NFIX: variants seen among roughly 807,000 people sequenced by gnomAD.
NFIX encodes nuclear factor I X.
Under a neutral mutation model 53.3 loss-of-function variants are expected in NFIX, and 2 were observed. The observed-to-expected ratio is 0.04, with a 90% CI of 0.02 to 0.12. The LOEUF is 0.12. Among genes scored for constraint, NFIX ranks in the 10% least tolerant of loss-of-function variants. NFIX has a pLI of 1.00. For missense variants in NFIX, 310 were observed against 674.5 expected, an observed-to-expected ratio of 0.46 and a Z score of 5.99; for synonymous variants, 244 against 289.0, an observed-to-expected ratio of 0.84 and a Z score of 1.58.
intron 2 of NFIX, among the ~76,000 whole-genome samples, chr19:13,059,352 C>T (rs2015913477): frequency 6.6e-6 from 1 of 152,222 alleles, no homozygotes; most frequent in Admixed American, 6.5e-5. Flanking sequence ...AGGCCAGAGC[C>T]CCCCAGCACA....
At position 13,036,721 on chromosome 19, in the gene NFIX, G is replaced by A. The variant is rs1030787120; in HGVS notation, c.559+11169G>A. 6.6e-6 allele frequency among the ~76,000 whole-genome samples: 1 copy of A among 152,144 alleles called. No homozygotes were observed. Among genetic ancestry groups the A allele is most frequent in the Non-Finnish European group, 1.5e-5 (1 of 68,020 alleles). ...AACAGGTGGCCCAGAATACAGACAG[G>A]GGGTGTAATAAGTGTATATCCTCTG... On this transcript the variant is annotated intron_variant, in intron 2 of 10. Coordinates refer to ENST00000592199, the MANE Select transcript of NFIX (RefSeq NM_001365902.3). The surrounding 1 kb of genome is among the most constrained non-coding windows in gnomAD (Gnocchi z 4.7).
intron 1 of NFIX, among the ~76,000 whole-genome samples, chr19:12,999,480 C>G (rs561573286): frequency 3.2e-4 from 35 of 108,406 alleles, no homozygotes; most frequent in Admixed American, 1.0e-3. Flanking sequence ...CCACAAATAC[C>G]TTTTCAAACA....
intron 2 of NFIX, among the ~76,000 whole-genome samples, chr19:13,039,888 G>GCCATGTAA (rs1440069054): frequency 6.6e-6 from 1 of 152,124 alleles, no homozygotes; most frequent in Non-Finnish European, 1.5e-5. Flanking sequence ...GCCCATCCTT[G>GCCATGTAA]AGATGATGTA....
At position 13,035,891 on chromosome 19, in the gene NFIX, C is replaced by T. The variant is rs114797620; in HGVS notation, c.559+10339C>T. Among the ~76,000 whole-genome samples the T allele has an allele frequency of 2.8e-3, 423 of 152,324 alleles. 6 individuals are homozygous for T. The highest frequency in any genetic ancestry group is 9.5e-3 in the African/African-American group (396 of 41,568). ...ACCCGCTGCCTTTTGTACCCTTGCC[C>T]GCATCATCCCAAGTGCAGAGCCAAT... On this transcript the variant is annotated intron_variant, in intron 2 of 10. Transcript: ENST00000592199.
rs2145307798 is a variant in NFIX at position 13,049,224 on chromosome 19, G to C, written c.559+23672G>C. The stretch of plus-strand genomic sequence containing the variant: ...GCGATGATCACACTACTGCACTCCA[G>C]CCTGGGCAGGCAACAGAGTAAGACT... On this transcript the variant is annotated intron_variant, in intron 2 of 10. Coordinates refer to ENST00000592199, the MANE Select transcript of NFIX (RefSeq NM_001365902.3). This position sits in a 1 kb window ranked among gnomAD's most constrained non-coding sequence, Gnocchi z 4.5. 6.6e-6 allele frequency among the ~76,000 whole-genome samples: 1 copy of C among 152,196 alleles called. No homozygotes were observed. Among genetic ancestry groups the C allele is most frequent in the African/African-American group, 2.4e-5 (1 of 41,526 alleles).
chr19:13,019,723 G>GTTTTTTTTTTTTTTT (rs1414490273), intron 1 of NFIX, among the ~76,000 whole-genome samples: 1 of 115,824 alleles, frequency 8.6e-6, no homozygotes, highest in African/African-American at 3.4e-5. Context: ...TTTTTTTTTT[G>GTTTTTTTTTTTTTTT]TTTGTTTGTT....
In NFIX at chr19:13,027,360, C is replaced by T. The variant is rs765582238; in HGVS notation, c.559+1808C>T. Among the ~76,000 whole-genome samples, 12 of 152,132 alleles carry T rather than the reference C, an allele frequency of 7.9e-5. No homozygotes were observed. Among genetic ancestry groups the T allele is most frequent in the Non-Finnish European group, 1.6e-4 (11 of 68,024 alleles). On this transcript the variant is annotated intron_variant, in intron 2 of 10. Transcript: ENST00000592199. This position sits in a 1 kb window ranked among gnomAD's most constrained non-coding sequence, Gnocchi z 4.3. Reference sequence around the variant, plus strand: ...CTGAGAGGGAAAAAAAAGTTATCCCCTCATTCTCTGTCTATACAGCAAGCC... The same window carrying T: ...CTGAGAGGGAAAAAAAAGTTATCCCTTCATTCTCTGTCTATACAGCAAGCC...
intron 1 of NFIX, among the ~76,000 whole-genome samples, chr19:13,000,041 C>T (rs114111437): frequency 0.033 from 4,986 of 152,304 alleles, 90 homozygotes; most frequent in Middle Eastern, 0.088. Flanking sequence ...GAACAGGGTG[C>T]TCCAGTCTCT....
At chr19:13,024,447 C>G in intron 1 of NFIX, 1 of 1,451,616 alleles carries the variant, frequency 6.9e-7, no homozygotes. Context: ...GAGAGGGAAG[C>G]CTGATCTGTT....
In NFIX at chr19:13,090,569, C is replaced by T. The variant is rs2018072238; in HGVS notation, c.1494+179C>T. On this transcript the variant is annotated intron_variant, in intron 10 of 10. Coordinates refer to ENST00000592199, the MANE Select transcript of NFIX (RefSeq NM_001365902.3). This position sits in a 1 kb window ranked among gnomAD's most constrained non-coding sequence, Gnocchi z 6.6. Reference sequence around the variant, plus strand: ...CAGCTGAGCCTGTCTCCCCAGGCAGCCCCCAGGCTCCCTGGCTAATCAGCT... The same window carrying T: ...CAGCTGAGCCTGTCTCCCCAGGCAGTCCCCAGGCTCCCTGGCTAATCAGCT... Among the ~76,000 whole-genome samples, 1 of 152,168 alleles carries T rather than the reference C, an allele frequency of 6.6e-6. No homozygotes were observed. The highest frequency in any genetic ancestry group is 2.4e-5 in the African/African-American group (1 of 41,436).
chr19:13,064,761 C>T (rs1002129342), intron 2 of NFIX, among the ~76,000 whole-genome samples: 2 of 152,214 alleles, frequency 1.3e-5, no homozygotes, highest in South Asian at 2.1e-4. Flanking sequence ...CAGCTTCCCC[C>T]ACCAGGGTGG....
intron 8 of NFIX, among the ~76,000 whole-genome samples, chr19:13,085,285 A>C (rs139137894): frequency 4.9e-4 from 74 of 152,272 alleles, no homozygotes; most frequent in Non-Finnish European, 9.3e-4. Flanking sequence ...ATGTCTGGCC[A>C]TATCAGGCGG....
rs1402398208 is a variant in NFIX at position 13,040,699 on chromosome 19, G to A, written c.559+15147G>A. On this transcript the variant is annotated intron_variant, in intron 2 of 10. Transcript: ENST00000592199. This position sits in a 1 kb window ranked among gnomAD's most constrained non-coding sequence, Gnocchi z 4.2. ...CATGTGCTTGCGGCTCTGGTAGCTG[G>A]GTTTGGTTATTAACAATGAATTATT... Among the ~76,000 whole-genome samples the A allele has an allele frequency of 2.6e-5, 4 of 152,142 alleles. No individual in the cohort carries two copies. The highest frequency in any genetic ancestry group is 9.7e-5 in the African/African-American group (4 of 41,420).
At chr19:13,033,485 C>T (rs1317272334) in intron 2 of NFIX, among the ~76,000 whole-genome samples, 1 of 152,192 alleles carries the variant, frequency 6.6e-6, no homozygotes, top group Non-Finnish European at 1.5e-5. Flanking sequence ...TGATGCCTTA[C>T]TGATGACATG....
intron 2 of NFIX, among the ~76,000 whole-genome samples, chr19:13,046,422 C>A (rs1343827300): frequency 6.6e-6 from 1 of 152,160 alleles, no homozygotes; most frequent in Non-Finnish European, 1.5e-5. Context: ...GTTGTGAATT[C>A]TGCGTTTCAC....
intron 5 of NFIX, 136 bp downstream of exon 5, chr19:13,074,162 T>G: frequency 8.6e-7 from 1 of 1,168,264 alleles, no homozygotes. Context: ...GGGCACTGGC[T>G]CTAACACTTT....
At chr19:13,059,777 CTTTTTTTTTTTTT>C (rs35128120) in intron 2 of NFIX, among the ~76,000 whole-genome samples, 2 of 60,336 alleles carry the variant, frequency 3.3e-5, no homozygotes, top group African/African-American at 6.3e-5. Context: ...AATTAGAATT[CTTTTTTTTTTTTT>C]TTTTTTTTTT....
intron 1 of NFIX, among the ~76,000 whole-genome samples, chr19:13,003,107 G>C (rs200592853): frequency 1.3e-5 from 2 of 151,998 alleles, no homozygotes; most frequent in Non-Finnish European, 2.9e-5. Context: ...GAGTTGGGGG[G>C]GGGTTTATTC....
rs2015188884 is a variant in NFIX, at chr19:13,049,414, A to G, written c.560-23633A>G. 1.3e-5 allele frequency among the ~76,000 whole-genome samples: 2 copies of G among 152,094 alleles called. No homozygotes were observed. Among genetic ancestry groups the G allele is most frequent in the African/African-American group, 4.8e-5 (2 of 41,406 alleles). ...CCATACCTATTAGTTGTTAGTCCCA[A>G]TTCCTCATTCCTCCTAGGCCCTGGC... is the stretch of plus-strand genomic sequence containing the variant. On this transcript the variant is annotated intron_variant, in intron 2 of 10. Coordinates refer to ENST00000592199, the MANE Select transcript of NFIX (RefSeq NM_001365902.3). The surrounding 1 kb of genome is among the most constrained non-coding windows in gnomAD (Gnocchi z 4.5).
Sources: allele counts gnomAD v4.1 joint callset (sites outside exome capture counted in the v4.1 genomes callset), GRCh38; gene constraint gnomAD v4.1.1; non-coding constraint Gnocchi (gnomAD v3.1); transcripts MANE v1.5; gene names NCBI Gene and HGNC (gene_info 2026-07-23, HGNC 2026-07-21).